The following MAD1L1 variants were observed in gnomAD, a reference collection of about 807,000 sequenced individuals.
MAD1L1 encodes mitotic arrest deficient 1 like 1, also known as mitotic spindle assembly checkpoint protein MAD1.
MAD1L1 carries 95 observed loss-of-function variants against 96.9 expected under a neutral mutation model. The ratio of observed to expected loss-of-function variants is 0.98; its 90% CI spans 0.83 to 1.16. The LOEUF (loss-of-function observed/expected upper bound fraction) is 1.16, where lower values mean the gene tolerates loss of function less well. Ranked by LOEUF, MAD1L1 falls within the 50% of genes most tolerant of loss-of-function variation. The pLI, the probability that MAD1L1 is intolerant of heterozygous loss-of-function variation, is 0.00. For missense variants in MAD1L1, 1,007 were observed against 954.4 expected (o/e 1.06, Z -0.73); for synonymous variants, 473 against 396.6 (o/e 1.19, Z -2.29).
Position 2,049,734 on chromosome 7 carries a change from G to A in MAD1L1, c.1218+19460C>T, listed in dbSNP as rs115967580. Among the ~76,000 whole-genome samples, 628 of 152,266 alleles carry A rather than the reference G, an allele frequency of 4.1e-3. 5 individuals are homozygous for A. The highest frequency in any genetic ancestry group is 0.014 in the African/African-American group (577 of 41,546). On this transcript the variant is annotated intron_variant, in intron 12 of 18. Coordinates refer to ENST00000265854, the MANE Select transcript of MAD1L1 (RefSeq NM_001013836.2). The stretch of plus-strand genomic sequence containing the variant: ...AGCACCAGTGTCCAGGAGGACTATC[G>A]AGCACTGTAATTCCCAGGGCACCTC...
At chr7:2,220,950 G>C (rs764144843) in intron 5 of MAD1L1, 2 of 1,612,242 alleles carry the variant, frequency 1.2e-6, no homozygotes, top group African/African-American at 2.7e-5. Context: ...CCGTGTTGTA[G>C]GGGACGCCGG....
At chr7:1,919,514 C>T (rs527475422) in intron 17 of MAD1L1, among the ~76,000 whole-genome samples, 3 of 152,382 alleles carry the variant, frequency 2.0e-5, no homozygotes, top group East Asian at 3.9e-4. Flanking sequence ...TCATTGGGAG[C>T]CACTTTTGTT....
chr7:1,964,852 C>T (rs919696153), intron 15 of MAD1L1, among the ~76,000 whole-genome samples: 4 of 152,140 alleles, frequency 2.6e-5, no homozygotes, highest in Non-Finnish European at 5.9e-5. Context: ...ATAATGGGGG[C>T]GGGAGGCCTG....
intron 11 of MAD1L1, among the ~76,000 whole-genome samples, chr7:2,145,795 T>C (rs1244361742): frequency 1.3e-5 from 2 of 152,192 alleles, no homozygotes; most frequent in African/African-American, 4.8e-5. Flanking sequence ...GGAATGCTAC[T>C]GCAGTAACTA....
chr7:2,057,592 C>T (rs1030237374), intron 12 of MAD1L1, among the ~76,000 whole-genome samples: 33 of 149,886 alleles, frequency 2.2e-4, no homozygotes, highest in African/African-American at 7.6e-4. Flanking sequence ...CTGGGTTTCT[C>T]CTTCTCAATC....
rs1693520144 is a variant in MAD1L1 at position 2,114,558 on chromosome 7, G to C, written c.1073+34594C>G. ...CCCAAGCCGACGTCACGTGGCAGAAGGATCTTCATGAAGATGAGCATGGCT... is the reference window on the plus strand; with the variant it reads ...CCCAAGCCGACGTCACGTGGCAGAACGATCTTCATGAAGATGAGCATGGCT... On this transcript the variant is annotated intron_variant, in intron 11 of 18. Transcript: ENST00000265854. This position sits in a 1 kb window ranked among gnomAD's most constrained non-coding sequence, Gnocchi z 4.2. Among the ~76,000 whole-genome samples the C allele has an allele frequency of 6.6e-6, 1 of 152,256 alleles. No individual in the cohort carries two copies. Among genetic ancestry groups the C allele is most frequent in the Non-Finnish European group, 1.5e-5 (1 of 68,042 alleles).
chr7:2,096,814 T>TG (rs1424015727), intron 11 of MAD1L1, among the ~76,000 whole-genome samples: 1 of 152,004 alleles, frequency 6.6e-6, no homozygotes, highest in Non-Finnish European at 1.5e-5. Flanking sequence ...CAGCAGAGGC[T>TG]GGGGGCACAG....
Position 2,213,239 on chromosome 7 carries a change from A to G in MAD1L1, c.959T>C (p.Leu320Pro). The G allele has an allele frequency of 1.2e-6, 2 of 1,614,200 alleles. No individual in the cohort carries two copies. Among genetic ancestry groups the G allele is most frequent in the Non-Finnish European group, 1.7e-6 (2 of 1,180,044 alleles). The part of the protein sequence containing the change: ...LLAKLQSWER[L>P]DQTMGLSIRT... ...GATGCTCAGGCCCATGGTCTGGTCC[A>G]GTCTCTCCCAGCTTTGCAGCTTGGC... The change falls in exon 10 of 19, where the codon CTG becomes CCG. Residue 320 changes from leucine to proline, a missense_variant. Leu to Pro is a moderately conservative substitution (Grantham distance 98, BLOSUM62 -3). Transcript: ENST00000265854.
intron 10 of MAD1L1, among the ~76,000 whole-genome samples, chr7:2,186,841 T>A (rs1344509768): frequency 6.6e-6 from 1 of 151,708 alleles, no homozygotes; most frequent in African/African-American, 2.4e-5. Context: ...TCCCCCACGC[T>A]GGAGTGCAGT....
At chr7:2,177,060 G>T (rs1376610655) in intron 10 of MAD1L1, among the ~76,000 whole-genome samples, 2 of 140,962 alleles carry the variant, frequency 1.4e-5, no homozygotes, top group Admixed American at 1.5e-4. Flanking sequence ...AATCCCTGGA[G>T]ATCTGTCAAT....
intron 13 of MAD1L1, among the ~76,000 whole-genome samples, chr7:2,008,773 G>GA (rs1000587774): frequency 1.6e-5 from 2 of 127,398 alleles, no homozygotes; most frequent in East Asian, 2.3e-4. Flanking sequence ...GGAAGCTCAG[G>GA]GGGGGAAGGA....
At chr7:1,982,741 G>A (rs1364032397) in intron 14 of MAD1L1, among the ~76,000 whole-genome samples, 8 of 152,064 alleles carry the variant, frequency 5.3e-5, no homozygotes, top group Admixed American at 2.6e-4. Flanking sequence ...AGAATAATAC[G>A]AAATCACAGT....
intron 17 of MAD1L1, among the ~76,000 whole-genome samples, chr7:1,902,658 C>T (rs1208983362): frequency 2.2e-5 from 3 of 136,528 alleles, no homozygotes; most frequent in African/African-American, 8.8e-5. Context: ...GGCCGGGCTA[C>T]GTGAGCCTCA....
chr7:2,020,184 C>A (rs1009952130), intron 12 of MAD1L1, among the ~76,000 whole-genome samples: 1 of 152,170 alleles, frequency 6.6e-6, no homozygotes, highest in South Asian at 2.1e-4. Context: ...CCGGGGTCAG[C>A]GCCCAGCCCG....
At chr7:2,224,864 C>T (rs954455594) in intron 4 of MAD1L1, among the ~76,000 whole-genome samples, 3 of 152,148 alleles carry the variant, frequency 2.0e-5, no homozygotes, top group Non-Finnish European at 2.9e-5. Context: ...AGACCGGCAC[C>T]CTTTGCTAGG....
At chr7:2,003,349 A>C (rs1172677177) in intron 13 of MAD1L1, among the ~76,000 whole-genome samples, 10 of 152,206 alleles carry the variant, frequency 6.6e-5, no homozygotes, top group Non-Finnish European at 1.5e-5. Context: ...GTATGTTTGG[A>C]GACACAGAAA....
intron 18 of MAD1L1, among the ~76,000 whole-genome samples, chr7:1,891,216 T>G (rs1786517940): frequency 6.6e-6 from 1 of 152,228 alleles, no homozygotes; most frequent in Non-Finnish European, 1.5e-5. Context: ...TGCTTTAAGC[T>G]AAGTGTTATA....
At chr7:2,055,423 G>A (rs1009673387) in intron 12 of MAD1L1, among the ~76,000 whole-genome samples, 6 of 152,104 alleles carry the variant, frequency 3.9e-5, no homozygotes, top group South Asian at 2.1e-4. Context: ...GCACAGGAGC[G>A]CCACCAGGGA....
At chr7:2,105,420 C>T (rs978234483) in intron 11 of MAD1L1, among the ~76,000 whole-genome samples, 1 of 118,812 alleles carries the variant, frequency 8.4e-6, no homozygotes, top group African/African-American at 3.3e-5. Context: ...CAGCAGCAGG[C>T]AGAGCAAAGC....
Sources: allele counts gnomAD v4.1 joint callset (sites outside exome capture counted in the v4.1 genomes callset), GRCh38; gene constraint gnomAD v4.1.1; non-coding constraint Gnocchi (gnomAD v3.1); transcripts MANE v1.5; gene names NCBI Gene and HGNC (gene_info 2026-07-23, HGNC 2026-07-21).